FGF9: variants seen among roughly 807,000 people sequenced by gnomAD.
FGF9 encodes fibroblast growth factor 9.
In FGF9, 3 loss-of-function variants were observed where a neutral mutation model predicts 19.9. The ratio of observed to expected loss-of-function variants is 0.15; its 90% CI spans 0.07 to 0.39. The LOEUF (loss-of-function observed/expected upper bound fraction) is 0.39. Ranked by LOEUF, FGF9 falls within the 10% of genes least tolerant of loss-of-function variation. FGF9 has a pLI of 1.00. For synonymous variants in FGF9, 107 were observed against 106.9 expected (o/e 1.00, Z -0.01); for missense variants, 175 against 256.8 (o/e 0.68, Z 2.18).
chr13:21,702,981 A>C lies in FGF9; in HGVS notation c.*1546A>C, dbSNP rs1872582814. The C allele has an allele frequency of 6.6e-6, 1 of 152,272 alleles. No homozygotes were observed. Among genetic ancestry groups the C allele is most frequent in the East Asian group, 1.9e-4 (1 of 5,206 alleles). The allele number at this position is 152,272 out of a possible 1,614,324, so 9.4% of individuals were successfully genotyped here. On this transcript the variant is annotated 3_prime_UTR_variant, in exon 3 of 3. Coordinates refer to ENST00000382353, the MANE Select transcript of FGF9 (RefSeq NM_002010.3). Reference sequence around the variant, plus strand: ...GCTTTTATAACATTTTATGCTGAAAAGCATAAGAATACGTATTTCTTTAGT... The same window carrying C: ...GCTTTTATAACATTTTATGCTGAAACGCATAAGAATACGTATTTCTTTAGT...
chr13:21,691,163 C>T lies in FGF9; in HGVS notation c.381+10018C>T, dbSNP rs1872281623. Among the ~76,000 whole-genome samples the T allele has an allele frequency of 6.6e-6, 1 of 152,200 alleles. No individual in the cohort carries two copies. Among genetic ancestry groups the T allele is most frequent in the Non-Finnish European group, 1.5e-5 (1 of 68,040 alleles). Reference sequence around the variant, plus strand: ...CCTCAAATAAGGAGAATCAGCTGTACCTACAAATGCAAATGTACTTCCTCA... The same window carrying T: ...CCTCAAATAAGGAGAATCAGCTGTATCTACAAATGCAAATGTACTTCCTCA... On this transcript the variant is annotated intron_variant, in intron 2 of 2. Transcript: ENST00000382353. This position sits in a 1 kb window ranked among gnomAD's most constrained non-coding sequence, Gnocchi z 4.2.
chr13:21,693,783 C>G (rs1351038359), intron 2 of FGF9, among the ~76,000 whole-genome samples: 1 of 152,106 alleles, frequency 6.6e-6, no homozygotes, highest in Admixed American at 6.5e-5. Flanking sequence ...AAGGAGAGCC[C>G]CTGGGGCCAA....
Position 21,681,236 on chromosome 13 carries a change from A to G in FGF9, c.381+91A>G, listed in dbSNP as rs1283732413. ...TGGATTAAAAAGGGCCAGAAATGCA[A>G]CTGAGTCTGTTTGGAAGGCGAGTGT... On this transcript the variant is annotated intron_variant, in intron 2 of 2. Coordinates refer to ENST00000382353, the MANE Select transcript of FGF9 (RefSeq NM_002010.3). 5.1e-6 allele frequency: 5 copies of G among 973,428 alleles called. No homozygotes were observed. In the African/African-American group the frequency reaches 6.3e-5, roughly 12 times the overall value. The allele number at this position is 973,428 out of a possible 1,614,324, so 60.3% of individuals were successfully genotyped here.
At chr13:21,673,774 G>A (rs1370609518) in intron 1 of FGF9, among the ~76,000 whole-genome samples, 4 of 151,042 alleles carry the variant, frequency 2.6e-5, no homozygotes, top group Non-Finnish European at 5.9e-5. Flanking sequence ...ACCGAAGCGA[G>A]CGGCGTGGGC....
chr13:21,697,945 C>G (rs1872450400), intron 2 of FGF9, among the ~76,000 whole-genome samples: 1 of 151,858 alleles, frequency 6.6e-6, no homozygotes, highest in Non-Finnish European at 1.5e-5. Context: ...GTAGCTGGGA[C>G]TACAGGCGCC....
At chr13:21,674,905 C>G (rs1388259733) in intron 1 of FGF9, among the ~76,000 whole-genome samples, 2 of 151,314 alleles carry the variant, frequency 1.3e-5, no homozygotes, top group African/African-American at 4.8e-5. Flanking sequence ...CAATAGAAAC[C>G]GTTAAACAAA....
Position 21,691,382 on chromosome 13 carries a change from A to T in FGF9, c.382-9808A>T, listed in dbSNP as rs9509835. On this transcript the variant is annotated intron_variant, in intron 2 of 2. Coordinates refer to ENST00000382353, the MANE Select transcript of FGF9 (RefSeq NM_002010.3). This position sits in a 1 kb window ranked among gnomAD's most constrained non-coding sequence, Gnocchi z 4.2. ...AGGATTATTCACAGAGGAGATGGAG[A>T]AAAACAGGCAGGTGTTCTCAGTAGA... Among the ~76,000 whole-genome samples, 41,735 of 152,088 alleles carry T rather than the reference A, an allele frequency of 0.27. 6,963 individuals are homozygous for T. Among genetic ancestry groups the T allele is most frequent in the East Asian group, 0.42 (2,179 of 5,146 alleles).
chr13:21,674,663 T>C (rs1009471214), intron 1 of FGF9, among the ~76,000 whole-genome samples: 1 of 151,770 alleles, frequency 6.6e-6, no homozygotes, highest in African/African-American at 2.4e-5. Flanking sequence ...GATTATGGGA[T>C]ATTCTAGTTG....
At chr13:21,681,271 CT>C (rs1872037345) in intron 2 of FGF9, 126 bp downstream of exon 2, 2 of 729,124 alleles carry the variant, frequency 2.7e-6, no homozygotes, top group East Asian at 5.3e-5. Context: ...TAAGTTTTTA[CT>C]TTTTGAGGAA....
In FGF9 at chr13:21,672,220, T is replaced by C. The variant is rs369367902; in HGVS notation, c.277+31T>C. 2 of 1,613,262 alleles carry C rather than the reference T, an allele frequency of 1.2e-6. No individual in the cohort carries two copies. Among genetic ancestry groups the C allele is most frequent in the South Asian group, 2.2e-5 (2 of 90,922 alleles). On this transcript the variant is annotated intron_variant, in intron 1 of 2. Coordinates refer to ENST00000382353, the MANE Select transcript of FGF9 (RefSeq NM_002010.3). This position sits in a 1 kb window ranked among gnomAD's most constrained non-coding sequence, Gnocchi z 4.2. ...TATACCATTAACCCTTTAGTGTCCA[T>C]GAGATGACATGTTGAAATTATAACT... is the stretch of plus-strand genomic sequence containing the variant.
chr13:21,675,946 C>G (rs1355796552), intron 1 of FGF9, among the ~76,000 whole-genome samples: 1 of 148,720 alleles, frequency 6.7e-6, no homozygotes, highest in Non-Finnish European at 1.5e-5. Context: ...TTTTCCCCCT[C>G]GGATTGGTGG....
chr13:21,675,431 CGAGGCCGCG>C (rs1016645871), intron 1 of FGF9, among the ~76,000 whole-genome samples: 59 of 152,118 alleles, frequency 3.9e-4, no homozygotes, highest in South Asian at 8.3e-4. Flanking sequence ...CCGCCCGGAA[CGAGGCCGCG>C]GCGGCGCTAG....
chr13:21,682,863 C>G (rs1354350849), intron 2 of FGF9, among the ~76,000 whole-genome samples: 1 of 151,024 alleles, frequency 6.6e-6, no homozygotes, highest in Non-Finnish European at 1.5e-5. Flanking sequence ...GTATCCCCAC[C>G]AAAAAAATTT....
Position 21,702,785 on chromosome 13 carries a change from T to G in FGF9, c.*1350T>G, listed in dbSNP as rs1304639948. ...AGTGTGAACTGTCATAATTACGTGG[T>G]AATAGCACCCTTAGTAAAACTTGCA... is the stretch of plus-strand genomic sequence containing the variant. On this transcript the variant is annotated 3_prime_UTR_variant, in exon 3 of 3. Coordinates refer to ENST00000382353, the MANE Select transcript of FGF9 (RefSeq NM_002010.3). The G allele has an allele frequency of 3.9e-5, 6 of 152,374 alleles. No homozygotes were observed. In the East Asian group the frequency reaches 1.2e-3, roughly 29 times the overall value. 9.4% of individuals were successfully genotyped at this position (152,374 alleles called of 1,614,324 possible).
intron 1 of FGF9, among the ~76,000 whole-genome samples, chr13:21,673,358 G>T (rs1871816547): frequency 6.6e-6 from 1 of 152,120 alleles, no homozygotes; most frequent in South Asian, 2.1e-4. Context: ...ATGCCAGAAG[G>T]TGAGGAGGAC....
At position 21,671,120 on chromosome 13, in the gene FGF9, G is replaced by C. The variant is rs1871751654; in HGVS notation, c.-793G>C. ...GCTGCGCAGGAGGAGCGCTCCGCCC[G>C]GCTACAACGCTCCGCGAGCCGGCGC... On this transcript the variant is annotated 5_prime_UTR_variant, in exon 1 of 3. Coordinates refer to ENST00000382353, the MANE Select transcript of FGF9 (RefSeq NM_002010.3). 1.3e-5 allele frequency among the ~76,000 whole-genome samples: 2 copies of C among 152,108 alleles called. No homozygotes were observed. Among genetic ancestry groups the C allele is most frequent in the Admixed American group, 1.3e-4 (2 of 15,286 alleles).
chr13:21,700,908 G>T (rs1401022889), intron 2 of FGF9, among the ~76,000 whole-genome samples: 1 of 152,128 alleles, frequency 6.6e-6, no homozygotes, highest in Non-Finnish European at 1.5e-5. Flanking sequence ...GTTAAAATGG[G>T]CTAAAACATC....
At chr13:21,698,020 G>A (rs1250880609) in intron 2 of FGF9, among the ~76,000 whole-genome samples, 1 of 152,136 alleles carries the variant, frequency 6.6e-6, no homozygotes, top group Non-Finnish European at 1.5e-5. Flanking sequence ...GTGTTAGCCA[G>A]GATGGTCTCG....
chr13:21,695,113 T>A (rs113356828), intron 2 of FGF9, among the ~76,000 whole-genome samples: 2,506 of 151,038 alleles, frequency 0.017, 70 homozygotes, highest in African/African-American at 0.057. Flanking sequence ...TGTGTGTGTG[T>A]GTGAGAGAGA....
Sources: allele counts gnomAD v4.1 joint callset (sites outside exome capture counted in the v4.1 genomes callset), GRCh38; gene constraint gnomAD v4.1.1; non-coding constraint Gnocchi (gnomAD v3.1); transcripts MANE v1.5; gene names NCBI Gene and HGNC (gene_info 2026-07-23, HGNC 2026-07-21).